Variants in SHC2 observed in about 807,000 individuals in gnomAD.
The protein encoded by SHC2 is SHC adaptor protein 2.
A neutral mutation model predicts 60.6 loss-of-function variants in SHC2; 62 were observed. The ratio of observed to expected loss-of-function variants is 1.02; its 90% confidence interval spans 0.83 to 1.26. The LOEUF is 1.26. Among genes scored for constraint, SHC2 ranks in the 50% most tolerant of loss-of-function variants. The pLI is 0.00. For missense variants in SHC2, 873 were observed against 822.2 expected (o/e 1.06, Z -0.76); for synonymous variants, 375 against 372.4 (o/e 1.01, Z -0.08).
rs1427565089 is a variant in SHC2, at chr19:430,747, C to G, written c.1111G>C (p.Gly371Arg). ...QPCALTALDQGPSPSLRDACS... is the reference protein window; with the variant it reads ...QPCALTALDQRPSPSLRDACS... ...GCATCTCTTAGAGAAGGAGATGGGC[C>G]CTGGAAACAGAGCAGTGAGAGGTTC... The change falls in exon 9 of 13, where the codon GGC becomes CGC. Residue 371 changes from glycine to arginine, a missense_variant and splice_region_variant. Physicochemically the swap from Gly to Arg is moderately radical, Grantham distance 125. Transcript: ENST00000264554. 3 of 1,612,868 alleles carry G rather than the reference C, an allele frequency of 1.9e-6. No homozygotes were observed. Among genetic ancestry groups the G allele is most frequent in the Non-Finnish European group, 1.7e-6 (2 of 1,179,798 alleles).
At position 418,994 on chromosome 19, in the gene SHC2, G is replaced by A. The variant is rs557678440; in HGVS notation, c.1683C>T (p.Asn561=). 1.0e-4 allele frequency: 163 copies of A among 1,586,470 alleles called. 1 individual carries two copies. In the Admixed American group the frequency reaches 1.6e-3, roughly 15 times the overall value. Residue 561 remains asparagine (N), a synonymous_variant, in exon 12 of 13, where the codon AAC becomes AAT. Coordinates refer to ENST00000264554, the MANE Select transcript of SHC2 (RefSeq NM_012435.3). ...TCTCGGCGGCCACGATGGGCTGCCC[G>A]TTCTGCAGGTGGTGGTCGATCAGGT... The part of the protein sequence containing the change: ...ISHLIDHHLQ[N]GQPIVAAESE...
rs1388791383 is a variant in SHC2, at chr19:422,761, G to A, written c.1310-305C>T. 1.0e-5 allele frequency: 3 copies of A among 292,956 alleles called. No individual in the cohort carries two copies. The highest frequency in any genetic ancestry group is 1.9e-5 in the Non-Finnish European group (3 of 158,182). The allele number at this position is 292,956 out of a possible 1,614,324, so 18.1% of individuals were successfully genotyped here. On this transcript the variant is annotated intron_variant, in intron 10 of 12. Transcript: ENST00000264554. The surrounding 1 kb of genome is among the most constrained non-coding windows in gnomAD (Gnocchi z 5.0). ...CTATTTCTTTTTCCTGCCTTGTCAG[G>A]TGGGCTTCCTTCCCAAAGCGTACGC... is the stretch of plus-strand genomic sequence containing the variant.
At chr19:454,721 C>T (rs928453294) in intron 1 of SHC2, among the ~76,000 whole-genome samples, 6 of 151,736 alleles carry the variant, frequency 4.0e-5, no homozygotes, top group Middle Eastern at 3.4e-3. Context: ...ACCCGGGAGG[C>T]GGAGGTTGCG....
rs1013220798 is a variant in SHC2 at position 424,931 on chromosome 19, A to C, written c.1309+166T>G. Among the ~76,000 whole-genome samples the C allele has an allele frequency of 2.6e-5, 4 of 152,182 alleles. No individual in the cohort carries two copies. The highest frequency in any genetic ancestry group is 9.7e-5 in the African/African-American group (4 of 41,448). ...AGACAAGGCCTCCGACAGGAGACAGACTGGGCTTCCCCGTCCCACCCGTCG... is the reference window on the plus strand; with the variant it reads ...AGACAAGGCCTCCGACAGGAGACAGCCTGGGCTTCCCCGTCCCACCCGTCG... On this transcript the variant is annotated intron_variant, in intron 10 of 12. Transcript: ENST00000264554. The surrounding 1 kb of genome is among the most constrained non-coding windows in gnomAD (Gnocchi z 4.5).
At chr19:437,595 T>C (rs1974756144) in intron 4 of SHC2, among the ~76,000 whole-genome samples, 1 of 151,954 alleles carries the variant, frequency 6.6e-6, no homozygotes, top group African/African-American at 2.4e-5. Flanking sequence ...ATCCTGTCCA[T>C]ATAGTGGTCA....
At chr19:459,470 T>TCAGCGTAGGGGGAAGGACCCCTCTCAACC (rs1975484990) in intron 1 of SHC2, among the ~76,000 whole-genome samples, 1 of 101,158 alleles carries the variant, frequency 9.9e-6, no homozygotes, top group African/African-American at 4.1e-5. Context: ...CCCTCTCAAC[T>TCAGCGTAGGGGGAAGGACCCCTCTCAACC]CAGCGTAGGG....
intron 9 of SHC2, among the ~76,000 whole-genome samples, chr19:428,520 G>A (rs891391249): frequency 9.9e-5 from 15 of 152,228 alleles, no homozygotes; most frequent in African/African-American, 3.6e-4. Context: ...CAAGGTGGAA[G>A]ATGGATGGGT....
rs1974791909 is a variant in SHC2 at position 439,094 on chromosome 19, G to A, written c.540-64C>T. On this transcript the variant is annotated intron_variant, in intron 2 of 12. Transcript: ENST00000264554. ...GGTGGCCATGGAGGGAGCTGGGGAGGAAGGGGTCAGAGAGGGCGGGGGTCT... is the reference window on the plus strand; with the variant it reads ...GGTGGCCATGGAGGGAGCTGGGGAGAAAGGGGTCAGAGAGGGCGGGGGTCT... The A allele has an allele frequency of 5.0e-5, 30 of 603,818 alleles. No homozygotes were observed. The South Asian group carries it at 5.2e-4, about 11-fold the overall frequency. 37.4% of individuals were successfully genotyped at this position (603,818 alleles called of 1,614,324 possible).
rs906543208 is a variant in SHC2 at position 446,913 on chromosome 19, C to T, written c.469-5981G>A. On this transcript the variant is annotated intron_variant, in intron 1 of 12. Coordinates refer to ENST00000264554, the MANE Select transcript of SHC2 (RefSeq NM_012435.3). The surrounding 1 kb of genome is among the most constrained non-coding windows in gnomAD (Gnocchi z 5.4). Reference sequence around the variant, plus strand: ...TGTCTGCACTCCCAGCCTGGGAGACCGTCCGAGTCTCCGCCACCGCCCACG... The same window carrying T: ...TGTCTGCACTCCCAGCCTGGGAGACTGTCCGAGTCTCCGCCACCGCCCACG... 4.5e-4 allele frequency among the ~76,000 whole-genome samples: 68 copies of T among 152,240 alleles called. No homozygotes were observed. Among genetic ancestry groups the T allele is most frequent in the African/African-American group, 1.5e-3 (64 of 41,546 alleles).
intron 4 of SHC2, among the ~76,000 whole-genome samples, chr19:437,331 C>T (rs1488894500): frequency 3.3e-5 from 5 of 151,852 alleles, no homozygotes; most frequent in Non-Finnish European, 7.4e-5. Context: ...TGCTCATCTG[C>T]GTGCTTGTTT....
intron 8 of SHC2, among the ~76,000 whole-genome samples, chr19:431,294 G>C (rs1225006389): frequency 6.6e-6 from 1 of 151,660 alleles, no homozygotes; most frequent in Non-Finnish European, 1.5e-5. Flanking sequence ...GAGTGAGATC[G>C]TGAGTGAGAG....
intron 1 of SHC2, among the ~76,000 whole-genome samples, chr19:447,302 G>C (rs1793913895): frequency 6.6e-6 from 1 of 152,176 alleles, no homozygotes; most frequent in Admixed American, 6.5e-5. Context: ...GCCGGGGATG[G>C]GGAGGGGGTG....
rs890423241 is a variant in SHC2, at chr19:430,040, C to A, written c.1174+644G>T. On this transcript the variant is annotated intron_variant, in intron 9 of 12. Coordinates refer to ENST00000264554, the MANE Select transcript of SHC2 (RefSeq NM_012435.3). ...GGATGACGCAGTACCTATACCCCAA[C>A]GTGCACGGAAACCTAATACCGTGTG... Among the ~76,000 whole-genome samples the A allele has an allele frequency of 4.8e-5, 7 of 146,694 alleles. No individual in the cohort carries two copies. The Admixed American group carries it at 4.8e-4, about 10-fold the overall frequency.
intron 1 of SHC2, among the ~76,000 whole-genome samples, chr19:444,507 A>T (rs1466909926): frequency 6.6e-6 from 1 of 151,990 alleles, no homozygotes; most frequent in Non-Finnish European, 1.5e-5. Context: ...CGTTGTGGGG[A>T]CACCAGCCTA....
intron 11 of SHC2, among the ~76,000 whole-genome samples, chr19:421,054 G>T (rs904903128): frequency 2.7e-5 from 4 of 146,994 alleles, no homozygotes; most frequent in Non-Finnish European, 6.0e-5. Flanking sequence ...CATCAAGAAA[G>T]AAAGAAAGGA....
Position 419,041 on chromosome 19 carries a change from C to T in SHC2, c.1636G>A (p.Val546Met), listed in dbSNP as rs1391300774. Residue 546 changes from valine to methionine, a missense_variant, in exon 12 of 13, where the codon GTG (valine) becomes ATG (methionine). By Grantham distance (21) the Val-to-Met change is conservative (BLOSUM62 1). Coordinates refer to ENST00000264554, the MANE Select transcript of SHC2 (RefSeq NM_012435.3). ...DPEGVVRTKDVLFESISHLID... is the reference protein window; with the variant it reads ...DPEGVVRTKDMLFESISHLID... ...AGGTGGCTGATGCTCTCAAACAGCA[C>T]GTCCTTCGTCCGTACCTGCGGGACA... 4 of 1,583,352 alleles carry T rather than the reference C, an allele frequency of 2.5e-6. No individual in the cohort carries two copies. Among genetic ancestry groups the T allele is most frequent in the African/African-American group, 1.3e-5 (1 of 74,458 alleles).
chr19:451,497 G>C (rs1337874623), intron 1 of SHC2, among the ~76,000 whole-genome samples: 3 of 152,258 alleles, frequency 2.0e-5, no homozygotes, highest in Non-Finnish European at 4.4e-5. Context: ...GTGGCCGTGA[G>C]TGTACAAACA....
At chr19:421,261 G>A (rs775476375) in intron 11 of SHC2, among the ~76,000 whole-genome samples, 6 of 151,942 alleles carry the variant, frequency 3.9e-5, no homozygotes, top group Admixed American at 6.6e-5. Flanking sequence ...TTAGCCGGGC[G>A]TGGTGGTGGG....
chr19:442,161 C>T (rs1212365783), intron 1 of SHC2, among the ~76,000 whole-genome samples: 1 of 152,050 alleles, frequency 6.6e-6, no homozygotes, highest in Non-Finnish European at 1.5e-5. Flanking sequence ...TGAATGGATG[C>T]ATGATGGGTG....
Sources: gnomAD v4.1 joint callset for allele counts (sites outside exome capture counted in the v4.1 genomes callset) on GRCh38, gnomAD v4.1.1 for gene constraint, Gnocchi (gnomAD v3.1) non-coding constraint, MANE v1.5 for transcripts, NCBI Gene and HGNC (gene_info 2026-07-23, HGNC 2026-07-21) for gene names.